MPHOSPH8: variants seen among roughly 807,000 people sequenced by gnomAD.
MPHOSPH8 encodes M-phase phosphoprotein 8.
Under a neutral mutation model 87.3 loss-of-function variants are expected in MPHOSPH8, and 45 were observed. The observed-to-expected ratio is 0.52, with a 90% CI of 0.41 to 0.66. The LOEUF (loss-of-function observed/expected upper bound fraction) is 0.66. Ranked by LOEUF, MPHOSPH8 falls within the 30% of genes least tolerant of loss-of-function variation. The pLI, the probability that MPHOSPH8 is intolerant of heterozygous loss-of-function variation, is 0.00. For missense variants in MPHOSPH8, 883 were observed against 1,020.2 expected (o/e 0.87, Z 1.83); for synonymous variants, 366 against 376.9 (o/e 0.97, Z 0.33).
chr13:19,659,169 T>C (rs557474776), intron 6 of MPHOSPH8, 32 bp from the exon 7 acceptor site: 26 of 1,608,844 alleles, frequency 1.6e-5, no homozygotes, highest in Middle Eastern at 3.3e-4. Context: ...TCTAGATTTA[T>C]AAAATCTAAC....
At chr13:19,670,820 C>CTTT (rs3052670) in intron 12 of MPHOSPH8, 404 of 965,066 alleles carry the variant, frequency 4.2e-4, no homozygotes, top group South Asian at 7.5e-4. Context: ...AAATAAATCA[C>CTTT]TTTTTTTTTT....
rs1304116197 is a variant in MPHOSPH8 at position 19,671,938 on chromosome 13, G to A, written c.*63G>A. On this transcript the variant is annotated 3_prime_UTR_variant, in exon 14 of 14. Coordinates refer to ENST00000361479, the MANE Select transcript of MPHOSPH8 (RefSeq NM_017520.4). Reference sequence around the variant, plus strand: ...GATTCCTATACTCTCTTTGACAGCAGTTTGGAATTCTTCTAGCACATCTAT... The same window carrying A: ...GATTCCTATACTCTCTTTGACAGCAATTTGGAATTCTTCTAGCACATCTAT... The A allele has an allele frequency of 7.2e-6, 11 of 1,527,526 alleles. No homozygotes were observed. In the East Asian group the frequency reaches 2.5e-4, roughly 34 times the overall value. The allele number at this position is 1,527,526 out of a possible 1,614,324, so 94.6% of individuals were successfully genotyped here.
intron 1 of MPHOSPH8, among the ~76,000 whole-genome samples, chr13:19,636,841 G>C (rs917241508): frequency 6.6e-6 from 1 of 152,092 alleles, no homozygotes; most frequent in East Asian, 1.9e-4. Context: ...TGGTAGAATA[G>C]GGGTCTGCCT....
intron 5 of MPHOSPH8, chr13:19,650,518 C>G: frequency 3.0e-6 from 1 of 338,244 alleles, no homozygotes; most frequent in East Asian, 4.6e-5. Context: ...TCTACCTTAC[C>G]TACTCTTACC....
intron 8 of MPHOSPH8, among the ~76,000 whole-genome samples, chr13:19,662,130 G>A (rs1875572604): frequency 6.6e-6 from 1 of 151,908 alleles, no homozygotes; most frequent in African/African-American, 2.4e-5. Flanking sequence ...TAGTAGAGAT[G>A]GGGTTTCACC....
chr13:19,653,588 A>G (rs1874977681), intron 5 of MPHOSPH8, among the ~76,000 whole-genome samples: 1 of 152,226 alleles, frequency 6.6e-6, no homozygotes, highest in African/African-American at 2.4e-5. Context: ...AGTAGGCTTC[A>G]GAAGGTGGGT....
chr13:19,634,715 G>A (rs1024161007), intron 1 of MPHOSPH8, among the ~76,000 whole-genome samples: 1 of 152,106 alleles, frequency 6.6e-6, no homozygotes, highest in African/African-American at 2.4e-5. Context: ...CCTCTATGAA[G>A]GCATTTAAGC....
chr13:19,643,222 G>A (rs772635368), intron 2 of MPHOSPH8, among the ~76,000 whole-genome samples: 24 of 152,044 alleles, frequency 1.6e-4, no homozygotes, highest in Admixed American at 9.8e-4. Flanking sequence ...CAGGTTATAC[G>A]TAGATGTATG....
At position 19,646,878 on chromosome 13, in the gene MPHOSPH8, C is replaced by A. The variant is rs1467731684; in HGVS notation, c.805C>A (p.Leu269Ile). ...CCAGGTGGAATCTGAATCAAGTGTA[C>A]TTAATGATTCTCCCTTTCCAGAGGA... is the stretch of plus-strand genomic sequence containing the variant. The part of the protein sequence containing the change: ...ESQVESESSV[L>I]NDSPFPEDDS... The change falls in exon 3 of 14, where the codon CTT becomes ATT. Residue 269 changes from leucine to isoleucine, a missense_variant. Coordinates refer to ENST00000361479, the MANE Select transcript of MPHOSPH8 (RefSeq NM_017520.4). 6.2e-7 allele frequency: 1 copy of A among 1,605,010 alleles called. No individual in the cohort carries two copies. The highest frequency in any genetic ancestry group is 1.3e-5 in the African/African-American group (1 of 74,264).
intron 2 of MPHOSPH8, 60 bp downstream of exon 2, chr13:19,642,330 C>T: frequency 1.5e-6 from 2 of 1,350,606 alleles, no homozygotes; most frequent in East Asian, 2.6e-5. Context: ...AATTTTAACT[C>T]TCAAAGTATG....
chr13:19,673,274 G>C lies in MPHOSPH8; in HGVS notation c.*1399G>C. On this transcript the variant is annotated 3_prime_UTR_variant, in exon 14 of 14. Transcript: ENST00000361479. ...AATCAAGCTCAGTCTGGGTTATGGA[G>C]AAGTTGAAAATTGTTTTGTTCCTCA... 1 of 374,368 alleles carries C rather than the reference G, an allele frequency of 2.7e-6. No homozygotes were observed. The highest frequency in any genetic ancestry group is 2.0e-5 in the South Asian group (1 of 50,038). 23.2% of individuals were successfully genotyped at this position (374,368 alleles called of 1,614,324 possible).
chr13:19,648,315 A>G (rs980797984), intron 3 of MPHOSPH8, 107 bp from the exon 4 acceptor site: 6 of 643,540 alleles, frequency 9.3e-6, no homozygotes, highest in Non-Finnish European at 1.6e-5. Flanking sequence ...ACCACAGTAT[A>G]CAAGGGTGAT....
chr13:19,656,388 A>G (rs1004740743), intron 5 of MPHOSPH8, among the ~76,000 whole-genome samples: 11 of 152,112 alleles, frequency 7.2e-5, no homozygotes, highest in Non-Finnish European at 1.2e-4. Context: ...ACTGGATATA[A>G]GATCAGTGAC....
rs779928235 is a variant in MPHOSPH8 at position 19,659,070 on chromosome 13, A to T, written c.1652A>T (p.His551Leu). ...EWMKLEDFQKHLDGKDENFAA... is the reference protein window; with the variant it reads ...EWMKLEDFQKLLDGKDENFAA... ...ATGAAGTTGGAAGATTTCCAAAAGC[A>T]CCTTGATGGGAAAGATGAGAATTTT... The change falls in exon 6 of 14, where the codon CAC becomes CTC. Residue 551 changes from histidine (H) to leucine (L), a missense_variant. Transcript: ENST00000361479. 1 of 1,614,192 alleles carries T rather than the reference A, an allele frequency of 6.2e-7. No individual in the cohort carries two copies. Among genetic ancestry groups the T allele is most frequent in the Non-Finnish European group, 8.5e-7 (1 of 1,180,030 alleles).
In MPHOSPH8 at chr13:19,666,421, G is replaced by A. The variant is rs372419043; in HGVS notation, c.2020-4G>A. The A allele has an allele frequency of 1.0e-5, 16 of 1,604,438 alleles. No homozygotes were observed. Among genetic ancestry groups the A allele is most frequent in the East Asian group, 2.2e-5 (1 of 44,676 alleles). ...TAATTGTTACTCCTTTTTACCTGAC[G>A]TAGGCCTGTAAAAGAGGAAATTCAG... On this transcript the variant is annotated splice_region_variant and splice_polypyrimidine_tract_variant and intron_variant, in intron 9 of 13. Transcript: ENST00000361479.
Position 19,671,854 on chromosome 13 carries a change from A to G in MPHOSPH8, c.2562A>G (p.Ala854=), listed in dbSNP as rs1314647016. ...AACAGGTTAAGTTGCTAATAGGTGCATACAGAGTGCAGCTGCAGTGACCAA... is the reference window on the plus strand; with the variant it reads ...AACAGGTTAAGTTGCTAATAGGTGCGTACAGAGTGCAGCTGCAGTGACCAA... ...PSAKVKLLIG[A]YRVQLQ is the part of the protein sequence containing the mutation. Residue 854 remains alanine (A), a synonymous_variant, in exon 14 of 14, where the codon GCA becomes GCG. Coordinates refer to ENST00000361479, the MANE Select transcript of MPHOSPH8 (RefSeq NM_017520.4). 1 of 1,614,200 alleles carries G rather than the reference A, an allele frequency of 6.2e-7. No homozygotes were observed. The highest frequency in any genetic ancestry group is 1.7e-5 in the Admixed American group (1 of 60,020).
intron 9 of MPHOSPH8, among the ~76,000 whole-genome samples, chr13:19,664,979 G>T (rs1043003742): frequency 6.6e-6 from 1 of 152,098 alleles, no homozygotes; most frequent in Non-Finnish European, 1.5e-5. Context: ...GGAGGAAGTG[G>T]TCCACGGGCT....
chr13:19,670,368 G>A lies in MPHOSPH8; in HGVS notation c.2457+5G>A. On this transcript the variant is annotated splice_donor_5th_base_variant and intron_variant, in intron 12 of 13. Transcript: ENST00000361479. ...TTTCAGCTTCCTGTTTTTCTGGTAA[G>A]ATACTCTGTATTTCACTACTGAAAA... 1 of 1,613,510 alleles carries A rather than the reference G, an allele frequency of 6.2e-7. No homozygotes were observed. Among genetic ancestry groups the A allele is most frequent in the African/African-American group, 1.3e-5 (1 of 75,022 alleles).
intron 1 of MPHOSPH8, among the ~76,000 whole-genome samples, chr13:19,634,472 C>T (rs549493365): frequency 6.6e-6 from 1 of 152,134 alleles, no homozygotes; most frequent in Non-Finnish European, 1.5e-5. Context: ...CCCTCTCTCC[C>T]CTATGCGTTG....
Sources: gnomAD v4.1 joint callset for allele counts (sites outside exome capture counted in the v4.1 genomes callset) on GRCh38, gnomAD v4.1.1 for gene constraint, MANE v1.5 for transcripts, NCBI Gene and HGNC (gene_info 2026-07-23, HGNC 2026-07-21) for gene names.